CRISP2: variants seen among roughly 807,000 people sequenced by gnomAD.
CRISP2 encodes the protein cysteine-rich secretory protein 2.
Under a neutral mutation model 31.7 loss-of-function variants are expected in CRISP2, and 29 were observed. The ratio of observed to expected loss-of-function variants is 0.92; its 90% CI spans 0.68 to 1.25. The LOEUF (loss-of-function observed/expected upper bound fraction) is 1.25. CRISP2 is among the 50% of genes most tolerant of loss of function. The probability of loss-of-function intolerance (pLI) is 0.00; values close to 1 mark genes in which losing one functional copy is unlikely to be tolerated. For missense variants in CRISP2, 318 were observed against 286.5 expected (o/e 1.11, Z -0.79); for synonymous variants, 111 against 101.4 (o/e 1.09, Z -0.57).
At chr6:49,687,284 A>C in the CRISP2 span, among the ~76,000 whole-genome samples, 1 of 152,248 alleles carries the variant, frequency 6.6e-6, no homozygotes. Context: ...TGTATAAAAT[A>C]TTAAGTGAAA....
the CRISP2 span, among the ~76,000 whole-genome samples, chr6:49,679,205 A>G: frequency 1.9e-4 from 29 of 152,126 alleles, no homozygotes; most frequent in African/African-American, 7.0e-4. Context: ...AGTCTTTGTC[A>G]TATGAGATAC....
intron 4 of CRISP2, among the ~76,000 whole-genome samples, chr6:49,701,401 G>T (rs769137188): frequency 2.5e-4 from 37 of 149,856 alleles, no homozygotes; most frequent in Non-Finnish European, 4.7e-4. Flanking sequence ...TCTGAGTTAC[G>T]TCACTTGGAA....
intron 4 of CRISP2, among the ~76,000 whole-genome samples, chr6:49,701,298 C>A (rs890946914): frequency 1.3e-5 from 2 of 151,626 alleles, no homozygotes; most frequent in Non-Finnish European, 2.9e-5. Context: ...CTCCCAAGTC[C>A]CCAAAGTCAA....
the CRISP2 span, among the ~76,000 whole-genome samples, chr6:49,682,505 G>C: frequency 1.3e-4 from 13 of 102,182 alleles, no homozygotes; most frequent in Admixed American, 2.0e-3. Flanking sequence ...TATTCCTCCT[G>C]TTCCTCCTCT....
chr6:49,676,668 A>G, the CRISP2 span, among the ~76,000 whole-genome samples: 77 of 152,202 alleles, frequency 5.1e-4, no homozygotes, highest in Non-Finnish European at 9.6e-4. Flanking sequence ...GCCGAGAATG[A>G]GTTTAATAAT....
At chr6:49,698,022 A>G (rs950182772) in intron 7 of CRISP2, 65 bp from the exon 8 acceptor site, 2 of 1,287,680 alleles carry the variant, frequency 1.6e-6, no homozygotes, top group African/African-American at 3.0e-5. Flanking sequence ...TATTTAAAAA[A>G]GTAGCAAATA....
intron 9 of CRISP2, 69 bp downstream of exon 9, chr6:49,695,767 A>G (rs1764626586): frequency 8.3e-7 from 1 of 1,210,484 alleles, no homozygotes; most frequent in Non-Finnish European, 1.2e-6. Context: ...GAGATTTGTT[A>G]AATTATATAA....
chr6:49,684,054 G>A, the CRISP2 span, among the ~76,000 whole-genome samples: 1 of 151,826 alleles, frequency 6.6e-6, no homozygotes, highest in Non-Finnish European at 1.5e-5. Flanking sequence ...GATTGTATCT[G>A]GGCAAAGTAC....
At chr6:49,700,876 T>A in intron 4 of CRISP2, 92 bp from the exon 5 acceptor site, 1 of 776,646 alleles carries the variant, frequency 1.3e-6, no homozygotes, top group East Asian at 2.8e-5. Flanking sequence ...AAAGGTCACT[T>A]TAAAAAGTGC....
At chr6:49,696,957 G>A (rs1196298842) in intron 8 of CRISP2, among the ~76,000 whole-genome samples, 3 of 152,102 alleles carry the variant, frequency 2.0e-5, no homozygotes, top group Admixed American at 6.5e-5. Flanking sequence ...GCCAGTAAGT[G>A]AGTTTGGATA....
chr6:49,702,236 T>C (rs1184328138), intron 4 of CRISP2, among the ~76,000 whole-genome samples: 1 of 144,314 alleles, frequency 6.9e-6, no homozygotes, highest in African/African-American at 2.5e-5. Context: ...GGTTCTATAT[T>C]TTTGCAATTG....
intron 6 of CRISP2, among the ~76,000 whole-genome samples, chr6:49,698,802 C>T (rs1765185311): frequency 2.0e-5 from 3 of 152,062 alleles, no homozygotes; most frequent in Non-Finnish European, 4.4e-5. Flanking sequence ...TTGAGTGTTC[C>T]CAGCTGTATA....
At chr6:49,701,792 A>G (rs1765916334) in intron 4 of CRISP2, among the ~76,000 whole-genome samples, 1 of 106,266 alleles carries the variant, frequency 9.4e-6, no homozygotes, top group African/African-American at 3.8e-5. Context: ...ATATGTATGT[A>G]TGTACACATT....
At position 49,693,305 on chromosome 6, in the gene CRISP2, A is replaced by C. The variant is rs1467826941; in HGVS notation, c.605-405T>G. Reference sequence around the variant, plus strand: ...AGCCACACAGAGGTATTTAAATTAAAATTAAAATTTTGGTTTCTTAATCTT... The same window carrying C: ...AGCCACACAGAGGTATTTAAATTAACATTAAAATTTTGGTTTCTTAATCTT... On this transcript the variant is annotated intron_variant, in intron 9 of 9. Coordinates refer to ENST00000339139, the MANE Select transcript of CRISP2 (RefSeq NM_003296.4). 5.3e-5 allele frequency among the ~76,000 whole-genome samples: 8 copies of C among 152,318 alleles called. No homozygotes were observed. The South Asian group carries it at 8.3e-4, about 16-fold the overall frequency.
chr6:49,692,103 C>T (rs1764082600), downstream of CRISP2, among the ~76,000 whole-genome samples: 1 of 151,914 alleles, frequency 6.6e-6, no homozygotes, highest in Non-Finnish European at 1.5e-5. Context: ...TCAACTAAAC[C>T]AGTAGGGAGA....
chr6:49,683,162 A>C, the CRISP2 span, among the ~76,000 whole-genome samples: 3 of 74,248 alleles, frequency 4.0e-5, no homozygotes, highest in Non-Finnish European at 6.0e-5. Flanking sequence ...CCATCTCAAA[A>C]TAAATAAATA....
chr6:49,679,407 C>T, the CRISP2 span, among the ~76,000 whole-genome samples: 2 of 152,054 alleles, frequency 1.3e-5, no homozygotes, highest in African/African-American at 2.4e-5. Context: ...TTTATCATGA[C>T]AAGTTATTTA....
rs1765358847 is a variant in CRISP2 at position 49,699,826 on chromosome 6, A to G, written c.249T>C (p.Ser83=). 4 of 1,611,956 alleles carry G rather than the reference A, an allele frequency of 2.5e-6. No individual in the cohort carries two copies. The highest frequency in any genetic ancestry group is 3.4e-6 in the Non-Finnish European group (4 of 1,178,654). ...RWANKCTLQH[S]DPEDRKTSTR... The stretch of plus-strand genomic sequence containing the variant: ...TACTGGTTTTGCGGTCCTCTGGATC[A>G]CTATGTTGTAAAGTGCACTTGTTTG... Residue 83 remains serine (S), a synonymous_variant, in exon 6 of 10, where the codon AGT becomes AGC. Coordinates refer to ENST00000339139, the MANE Select transcript of CRISP2 (RefSeq NM_003296.4).
chr6:49,681,579 T>G, the CRISP2 span, among the ~76,000 whole-genome samples: 5 of 152,320 alleles, frequency 3.3e-5, no homozygotes, highest in Admixed American at 3.3e-4. Flanking sequence ...TGATTTATAT[T>G]TATAAACTAT....
Sources: gnomAD v4.1 joint callset for allele counts (sites outside exome capture counted in the v4.1 genomes callset) on GRCh38, gnomAD v4.1.1 for gene constraint, MANE v1.5 for transcripts, NCBI Gene and HGNC (gene_info 2026-07-23, HGNC 2026-07-21) for gene names.